CDK19: variants seen among roughly 807,000 people sequenced by gnomAD.
The protein encoded by CDK19 is cyclin-dependent kinase 19.
CDK19 carries 20 observed loss-of-function variants against 68.3 expected under a neutral mutation model. The observed-to-expected ratio is 0.29, with a 90% confidence interval of 0.21 to 0.43. The LOEUF is 0.43. Ranked by LOEUF, CDK19 falls within the 20% of genes least tolerant of loss-of-function variation. The pLI is 1.00. For synonymous variants in CDK19, 221 were observed against 222.8 expected, an observed-to-expected ratio of 0.99 and a Z score of 0.07; for missense variants, 339 against 623.5, an observed-to-expected ratio of 0.54 and a Z score of 4.86.
intron 1 of CDK19, among the ~76,000 whole-genome samples, chr6:110,810,257 C>T (rs1782982758): frequency 6.6e-6 from 1 of 152,110 alleles, no homozygotes; most frequent in Non-Finnish European, 1.5e-5. Flanking sequence ...AAGTATGAAT[C>T]ATGCAAGGAG....
At chr6:110,811,091 G>T (rs1394387738) in intron 1 of CDK19, among the ~76,000 whole-genome samples, 1 of 152,032 alleles carries the variant, frequency 6.6e-6, no homozygotes, top group African/African-American at 2.4e-5. Flanking sequence ...AAAGCTCTAG[G>T]TTTCTCATTT....
intron 1 of CDK19, among the ~76,000 whole-genome samples, chr6:110,779,693 A>C (rs1035410704): frequency 3.9e-5 from 6 of 152,206 alleles, no homozygotes; most frequent in African/African-American, 1.4e-4. Context: ...AGGCAAGAGG[A>C]TCACTTGAAC....
Position 110,815,407 on chromosome 6 carries a change from T to G in CDK19, c.-271A>C. Reference sequence around the variant, plus strand: ...CCCCAGTCCCGCCTCCCTCCTTCATTTCCTTGTTTTGGAACCTGGTGGGCC... The same window carrying G: ...CCCCAGTCCCGCCTCCCTCCTTCATGTCCTTGTTTTGGAACCTGGTGGGCC... On this transcript the variant is annotated 5_prime_UTR_variant, in exon 1 of 13. Transcript: ENST00000368911. 67 of 286,530 alleles carry G rather than the reference T, an allele frequency of 2.3e-4. No individual in the cohort carries two copies. Among genetic ancestry groups the G allele is most frequent in the East Asian group, 3.4e-4 (5 of 14,772 alleles). 17.7% of individuals were successfully genotyped at this position (286,530 alleles called of 1,614,324 possible).
At position 110,621,891 on chromosome 6, in the gene CDK19, G is replaced by T. The variant is rs1305760790; in HGVS notation, c.1110+197C>A. Reference sequence around the variant, plus strand: ...GCTGTAACACACACCGGAAGCTCAGGTATCTGTGAGCTGGTCATACTTCAA... The same window carrying T: ...GCTGTAACACACACCGGAAGCTCAGTTATCTGTGAGCTGGTCATACTTCAA... On this transcript the variant is annotated intron_variant, in intron 11 of 12. Transcript: ENST00000368911. The surrounding 1 kb of genome is among the most constrained non-coding windows in gnomAD (Gnocchi z 5.4). Among the ~76,000 whole-genome samples the T allele has an allele frequency of 2.6e-5, 4 of 152,130 alleles. No individual in the cohort carries two copies. The East Asian group carries it at 7.7e-4, about 29-fold the overall frequency.
chr6:110,644,214 C>A (rs1194267544), intron 4 of CDK19, among the ~76,000 whole-genome samples: 1 of 151,786 alleles, frequency 6.6e-6, no homozygotes, highest in Non-Finnish European at 1.5e-5. Flanking sequence ...ATTGCTTTAA[C>A]CCCAGAGGCG....
intron 1 of CDK19, among the ~76,000 whole-genome samples, chr6:110,765,613 G>A (rs180902817): frequency 0.015 from 2,197 of 146,432 alleles, 28 homozygotes; most frequent in Non-Finnish European, 0.024. Context: ...CCCGGGAGGC[G>A]GAGGCTGCAG....
chr6:110,797,509 AAAAG>A (rs775938369), intron 1 of CDK19, among the ~76,000 whole-genome samples: 620 of 152,298 alleles, frequency 4.1e-3, no homozygotes, highest in Non-Finnish European at 6.3e-3. Context: ...AAGAAAGAAA[AAAAG>A]AAAGAAAGAA....
At chr6:110,659,648 A>G (rs1166587863) in intron 4 of CDK19, among the ~76,000 whole-genome samples, 4 of 152,226 alleles carry the variant, frequency 2.6e-5, no homozygotes, top group Non-Finnish European at 5.9e-5. Context: ...GTTCAAAGTG[A>G]TAAATTCTGG....
chr6:110,688,273 A>T (rs2114560923), intron 2 of CDK19, among the ~76,000 whole-genome samples: 1 of 152,124 alleles, frequency 6.6e-6, no homozygotes, highest in Admixed American at 6.5e-5. Flanking sequence ...TGGGAGCCGG[A>T]GTCGTGCCAC....
intron 4 of CDK19, among the ~76,000 whole-genome samples, chr6:110,651,239 A>ATCTATCTC (rs1780945725): frequency 6.6e-6 from 1 of 150,726 alleles, no homozygotes; most frequent in Non-Finnish European, 1.5e-5. Flanking sequence ...TCTACTATCT[A>ATCTATCTC]TCTATCTATC....
At chr6:110,666,195 C>G (rs1464034176) in intron 4 of CDK19, among the ~76,000 whole-genome samples, 1 of 148,288 alleles carries the variant, frequency 6.7e-6, no homozygotes, top group African/African-American at 2.5e-5. Flanking sequence ...GAGGGTGGAT[C>G]ACGAGGTCAG....
chr6:110,616,321 C>G (rs1466767345), intron 12 of CDK19, among the ~76,000 whole-genome samples: 1 of 152,156 alleles, frequency 6.6e-6, no homozygotes. Context: ...TGCCAAACGA[C>G]TTGGAATATC....
At chr6:110,673,856 A>G (rs553481595) in intron 2 of CDK19, among the ~76,000 whole-genome samples, 1 of 152,184 alleles carries the variant, frequency 6.6e-6, no homozygotes, top group African/African-American at 2.4e-5. Flanking sequence ...CAGCCTCCCA[A>G]AGTGCTGGGA....
chr6:110,647,898 C>A (rs572216097), intron 4 of CDK19, among the ~76,000 whole-genome samples: 1 of 152,056 alleles, frequency 6.6e-6, no homozygotes, highest in Non-Finnish European at 1.5e-5. Flanking sequence ...TATTAGTAAA[C>A]CAAATCCATC....
intron 2 of CDK19, among the ~76,000 whole-genome samples, chr6:110,723,162 A>AAC (rs1776062469): frequency 6.6e-6 from 1 of 150,778 alleles, no homozygotes; most frequent in South Asian, 2.1e-4. Flanking sequence ...AAAAAAAAAA[A>AAC]CGCAGATTTG....
intron 4 of CDK19, among the ~76,000 whole-genome samples, chr6:110,665,858 C>A (rs554955408): frequency 1.6e-4 from 24 of 152,094 alleles, no homozygotes; most frequent in Non-Finnish European, 3.1e-4. Flanking sequence ...CATCCTCCCA[C>A]CTCAGCCTTC....
intron 1 of CDK19, among the ~76,000 whole-genome samples, chr6:110,808,665 A>T (rs943091723): frequency 1.3e-5 from 2 of 152,216 alleles, no homozygotes; most frequent in Non-Finnish European, 1.5e-5. Flanking sequence ...AACCAGTTAA[A>T]CATAAACAGA....
At chr6:110,800,979 G>GC (rs1334402518) in intron 1 of CDK19, among the ~76,000 whole-genome samples, 1 of 151,998 alleles carries the variant, frequency 6.6e-6, no homozygotes, top group Non-Finnish European at 1.5e-5. Flanking sequence ...GAAATGAAAG[G>GC]CATCCAAACA....
At chr6:110,737,598 T>C (rs995543583) in intron 2 of CDK19, among the ~76,000 whole-genome samples, 1 of 152,144 alleles carries the variant, frequency 6.6e-6, no homozygotes, top group Non-Finnish European at 1.5e-5. Context: ...CCTTGTACCT[T>C]TTCAGGTCTT....
Sources: gnomAD v4.1 joint callset for allele counts (sites outside exome capture counted in the v4.1 genomes callset) on GRCh38, gnomAD v4.1.1 for gene constraint, Gnocchi (gnomAD v3.1) non-coding constraint, MANE v1.5 for transcripts, NCBI Gene and HGNC (gene_info 2026-07-23, HGNC 2026-07-21) for gene names.